Variants in CSRNP3 observed in about 807,000 individuals in gnomAD.
The protein encoded by CSRNP3 is cysteine/serine-rich nuclear protein 3.
In CSRNP3, 12 loss-of-function variants were observed where a neutral mutation model predicts 48.0. The ratio of observed to expected loss-of-function variants is 0.25; its 90% CI spans 0.16 to 0.41. The LOEUF (loss-of-function observed/expected upper bound fraction) is 0.41, where lower values mean the gene tolerates loss of function less well. Ranked by LOEUF, CSRNP3 falls within the 10% of genes least tolerant of loss-of-function variation. The pLI, the probability that CSRNP3 is intolerant of heterozygous loss-of-function variation, is 1.00. For missense variants in CSRNP3, 580 were observed against 724.4 expected (o/e 0.80, Z 2.29); for synonymous variants, 263 against 269.7 (o/e 0.98, Z 0.24).
chr2:165,524,802 G>T (rs1388934287), intron 3 of CSRNP3, among the ~76,000 whole-genome samples: 1 of 152,074 alleles, frequency 6.6e-6, no homozygotes, highest in Non-Finnish European at 1.5e-5. Flanking sequence ...GCATTTATTT[G>T]TATGACTGTA....
chr2:165,520,390 C>T (rs896688494), intron 3 of CSRNP3, among the ~76,000 whole-genome samples: 2 of 151,974 alleles, frequency 1.3e-5, no homozygotes, highest in Admixed American at 6.6e-5. Context: ...AAAAGTCATT[C>T]GGTCTTGACT....
chr2:165,631,674 C>T (rs1225772667), intron 4 of CSRNP3, among the ~76,000 whole-genome samples: 2 of 152,188 alleles, frequency 1.3e-5, no homozygotes, highest in African/African-American at 4.8e-5. Flanking sequence ...CAGAACATGT[C>T]ACTATGCTTA....
At chr2:165,572,385 T>C (rs779817723) in intron 3 of CSRNP3, 4 of 152,148 alleles carry the variant, frequency 2.6e-5, no homozygotes, top group Non-Finnish European at 4.4e-5. Flanking sequence ...AATGAGTCTT[T>C]GTGCAGAGTG....
intron 2 of CSRNP3, among the ~76,000 whole-genome samples, chr2:165,495,219 T>C (rs938258052): frequency 2.0e-5 from 3 of 152,050 alleles, no homozygotes; most frequent in African/African-American, 4.8e-5. Flanking sequence ...AATCTATCTT[T>C]TGAAATCTAA....
At chr2:165,581,768 C>A (rs964595845) in intron 3 of CSRNP3, among the ~76,000 whole-genome samples, 1 of 152,092 alleles carries the variant, frequency 6.6e-6, no homozygotes, top group Non-Finnish European at 1.5e-5. Context: ...AACTACCGAC[C>A]TCAGGCAATC....
chr2:165,669,190 C>T (rs953457692), intron 5 of CSRNP3, among the ~76,000 whole-genome samples: 19 of 152,192 alleles, frequency 1.2e-4, no homozygotes, highest in African/African-American at 4.6e-4. Context: ...CTGGAAATCA[C>T]TCTCTTTTTC....
In CSRNP3 at chr2:165,624,970, C is replaced by T. The variant is rs376226878; in HGVS notation, c.148+29757C>T. Among the ~76,000 whole-genome samples the T allele has an allele frequency of 2.6e-4, 39 of 152,140 alleles. 1 individual carries two copies. Among genetic ancestry groups the T allele is most frequent in the East Asian group, 1.7e-3 (9 of 5,178 alleles). On this transcript the variant is annotated intron_variant, in intron 4 of 6. Coordinates refer to ENST00000651982, the MANE Select transcript of CSRNP3 (RefSeq NM_001172173.2). ...TGGAGTCCCAGTCTGACTGTGAAGC[C>T]GGCAACTGCATCACACTGCCCCTCA...
At chr2:165,476,276 T>C (rs1683961809) in intron 1 of CSRNP3, among the ~76,000 whole-genome samples, 2 of 152,194 alleles carry the variant, frequency 1.3e-5, no homozygotes, top group South Asian at 4.1e-4. Context: ...CAATGCTGCA[T>C]AAGCTACAAA....
At chr2:165,519,746 T>A (rs1214593906) in intron 3 of CSRNP3, among the ~76,000 whole-genome samples, 2 of 152,030 alleles carry the variant, frequency 1.3e-5, no homozygotes, top group East Asian at 3.9e-4. Flanking sequence ...CTTGCCTGAG[T>A]GGAAATTACA....
At chr2:165,673,220 C>T (rs1367180870) in intron 5 of CSRNP3, among the ~76,000 whole-genome samples, 1 of 134,656 alleles carries the variant, frequency 7.4e-6, no homozygotes, top group Non-Finnish European at 1.5e-5. Flanking sequence ...TCACTGCAAC[C>T]TTTGCCTCCC....
chr2:165,543,313 T>C (rs1684982154), intron 3 of CSRNP3, among the ~76,000 whole-genome samples: 1 of 152,128 alleles, frequency 6.6e-6, no homozygotes, highest in African/African-American at 2.4e-5. Flanking sequence ...AAAAGAAAAT[T>C]TCTTGTAACC....
At chr2:165,637,205 A>G (rs537693621) in intron 4 of CSRNP3, among the ~76,000 whole-genome samples, 2 of 152,374 alleles carry the variant, frequency 1.3e-5, no homozygotes, top group East Asian at 3.9e-4. Context: ...TGTCCTGAAC[A>G]GAAGGAAAGA....
intron 4 of CSRNP3, among the ~76,000 whole-genome samples, chr2:165,639,790 G>A (rs1686695316): frequency 6.6e-6 from 1 of 152,106 alleles, no homozygotes; most frequent in African/African-American, 2.4e-5. Flanking sequence ...TCCTCCTTCA[G>A]AAAATCAAGA....
At chr2:165,539,501 A>G (rs1012201824) in intron 3 of CSRNP3, among the ~76,000 whole-genome samples, 51 of 152,046 alleles carry the variant, frequency 3.4e-4, no homozygotes, top group Admixed American at 9.9e-4. Context: ...ACATTTTTGC[A>G]TAGCTCCTCT....
In CSRNP3 at chr2:165,684,472, T is replaced by C. The variant is rs370659277; in HGVS notation, c.*4719T>C. On this transcript the variant is annotated 3_prime_UTR_variant, in exon 7 of 7. Coordinates refer to ENST00000651982, the MANE Select transcript of CSRNP3 (RefSeq NM_001172173.2). ...CAGGCTTTAATGGGAAGCACCTTTG[T>C]GCTTTCAAAGGCAAGACTTGTCTGT... 6.6e-6 allele frequency: 1 copy of C among 152,154 alleles called. No homozygotes were observed. The highest frequency in any genetic ancestry group is 2.4e-5 in the African/African-American group (1 of 41,446). The allele number at this position is 152,154 out of a possible 1,614,324, so 9.4% of individuals were successfully genotyped here.
At chr2:165,577,909 A>G (rs1443924403) in intron 3 of CSRNP3, among the ~76,000 whole-genome samples, 3 of 152,022 alleles carry the variant, frequency 2.0e-5, no homozygotes, top group Non-Finnish European at 2.9e-5. Flanking sequence ...ACATACATAT[A>G]GTATAGGAAC....
rs369781432 is a variant in CSRNP3, at chr2:165,576,665, C to T, written c.-23-18378C>T. Reference sequence around the variant, plus strand: ...GCAGATTCACTCAAAACTTTGAAGTCTTTTGCAATAGCTCGAGCCATACTA... The same window carrying T: ...GCAGATTCACTCAAAACTTTGAAGTTTTTTGCAATAGCTCGAGCCATACTA... On this transcript the variant is annotated intron_variant, in intron 3 of 6. Transcript: ENST00000651982. 4.3e-4 allele frequency among the ~76,000 whole-genome samples: 66 copies of T among 152,090 alleles called. 2 individuals are homozygous for T. In the East Asian group the frequency reaches 8.7e-3, roughly 20 times the overall value.
At chr2:165,637,136 A>T (rs775673945) in intron 4 of CSRNP3, among the ~76,000 whole-genome samples, 25 of 152,220 alleles carry the variant, frequency 1.6e-4, no homozygotes, top group Non-Finnish European at 3.1e-4. Context: ...TTCTAGGTTG[A>T]TTCAACAAGG....
chr2:165,530,042 T>C (rs1489852100), intron 3 of CSRNP3, among the ~76,000 whole-genome samples: 2 of 152,174 alleles, frequency 1.3e-5, no homozygotes, highest in Non-Finnish European at 2.9e-5. Flanking sequence ...CAGATGTATC[T>C]TTGTAGTTTG....
Sources: gnomAD v4.1 joint callset for allele counts (sites outside exome capture counted in the v4.1 genomes callset) on GRCh38, gnomAD v4.1.1 for gene constraint, MANE v1.5 for transcripts, NCBI Gene and HGNC (gene_info 2026-07-23, HGNC 2026-07-21) for gene names.